AFDN: variants seen among roughly 807,000 people sequenced by gnomAD.
The protein encoded by AFDN is afadin, adherens junction formation factor.
Under a neutral mutation model 216.6 loss-of-function variants are expected in AFDN, and 68 were observed. The observed-to-expected ratio is 0.31, with a 90% CI of 0.26 to 0.38. AFDN has a LOEUF of 0.38. Among genes scored for constraint, AFDN ranks in the 10% least tolerant of loss-of-function variants. The pLI is 1.00. For missense variants in AFDN, 2,136 were observed against 2,342.0 expected (o/e 0.91, Z 1.82); for synonymous variants, 868 against 853.7 (o/e 1.02, Z -0.29).
At chr6:167,864,875 A>T (rs1290764308) in intron 2 of AFDN, 129 bp downstream of exon 2, 1 of 979,164 alleles carries the variant, frequency 1.0e-6, no homozygotes, top group East Asian at 2.4e-5. Flanking sequence ...GGTGGGTAGG[A>T]GAGTAGCTGG....
chr6:167,883,623 T>C (rs1392342122), intron 6 of AFDN, among the ~76,000 whole-genome samples: 1 of 152,202 alleles, frequency 6.6e-6, no homozygotes, highest in Non-Finnish European at 1.5e-5. Flanking sequence ...AAGTTATGCT[T>C]TTAGTAAAGT....
chr6:167,893,936 A>G, intron 9 of AFDN, 30 bp downstream of exon 9: 1 of 1,492,178 alleles, frequency 6.7e-7, no homozygotes, highest in Non-Finnish European at 9.2e-7. Context: ...TACTTTTATA[A>G]CTAAAGCACT....
At chr6:167,919,037 C>A in intron 21 of AFDN, 104 bp downstream of exon 21, 2 of 948,186 alleles carry the variant, frequency 2.1e-6, no homozygotes, top group Non-Finnish European at 3.3e-6. Flanking sequence ...GGGAGTGCAC[C>A]CTCGTGCTGT....
intron 1 of AFDN, among the ~76,000 whole-genome samples, chr6:167,836,037 G>T (rs1156526209): frequency 2.6e-5 from 4 of 152,180 alleles, no homozygotes; most frequent in African/African-American, 9.7e-5. Context: ...TATATTTTCT[G>T]TATTTATAAA....
Position 167,962,691 on chromosome 6 carries a change from C to G in AFDN, c.4968+124C>G, listed in dbSNP as rs946704234. Reference sequence around the variant, plus strand: ...AAGCACGAGGCAGAGCAGGGCCTGGCTCCCCCAGCTTTGTGATTGGACCTG... The same window carrying G: ...AAGCACGAGGCAGAGCAGGGCCTGGGTCCCCCAGCTTTGTGATTGGACCTG... On this transcript the variant is annotated intron_variant, in intron 31 of 33. Transcript: ENST00000683244. This position sits in a 1 kb window ranked among gnomAD's most constrained non-coding sequence, Gnocchi z 5.2. 1 of 1,551,046 alleles carries G rather than the reference C, an allele frequency of 6.4e-7. No individual in the cohort carries two copies. The highest frequency in any genetic ancestry group is 8.7e-7 in the Non-Finnish European group (1 of 1,148,234).
intron 23 of AFDN, among the ~76,000 whole-genome samples, chr6:167,925,509 C>T (rs1420054659): frequency 1.3e-5 from 2 of 152,082 alleles, no homozygotes; most frequent in East Asian, 1.9e-4. Context: ...ACATAAAAAC[C>T]GCTAAGGACT....
intron 23 of AFDN, among the ~76,000 whole-genome samples, chr6:167,938,118 ATGATACCTTCCC>A (rs1794231120): frequency 6.6e-6 from 1 of 152,208 alleles, no homozygotes; most frequent in Non-Finnish European, 1.5e-5. Flanking sequence ...TAAGTGAATG[ATGATACCTTCCC>A]TGACACTGGG....
intron 11 of AFDN, 50 bp downstream of exon 11, chr6:167,898,517 A>G: frequency 6.6e-7 from 1 of 1,517,960 alleles, no homozygotes; most frequent in South Asian, 1.3e-5. Flanking sequence ...TACTTAAAGT[A>G]GTTCAGATTA....
chr6:167,865,025 A>AT, intron 2 of AFDN: 1 of 524,104 alleles, frequency 1.9e-6, no homozygotes, highest in South Asian at 1.9e-5. Flanking sequence ...TTTATCCAAC[A>AT]TATCTGGGTG....
At chr6:167,965,700 G>T in intron 31 of AFDN, 57 bp from the exon 32 acceptor site, 1 of 1,453,886 alleles carries the variant, frequency 6.9e-7, no homozygotes. Flanking sequence ...GGCCCAGTGG[G>T]TCGGCTGTTC....
Position 167,890,871 on chromosome 6 carries a change from T to G in AFDN, c.1019T>G (p.Val340Gly). ...REWPSDKGILVFQLKRRPPDH... is the reference protein window; with the variant it reads ...REWPSDKGILGFQLKRRPPDH... Reference sequence around the variant, plus strand: ...CATGCTGCTGTTCTAGGGATTTTAGTCTTTCAGTTGAAGAGGAGGCCACCA... The same window carrying G: ...CATGCTGCTGTTCTAGGGATTTTAGGCTTTCAGTTGAAGAGGAGGCCACCA... Residue 340 changes from valine to glycine, a missense_variant, in exon 8 of 34, where the codon GTC becomes GGC. Transcript: ENST00000683244. The G allele has an allele frequency of 3.7e-6, 6 of 1,613,172 alleles. No homozygotes were observed. Among genetic ancestry groups the G allele is most frequent in the Non-Finnish European group, 5.1e-6 (6 of 1,179,572 alleles).
rs149149926 is a variant in AFDN, at chr6:167,904,832, C to T, written c.1651-2339C>T. 3.9e-5 allele frequency among the ~76,000 whole-genome samples: 6 copies of T among 152,306 alleles called. No individual in the cohort carries two copies. In the East Asian group the frequency reaches 1.2e-3, roughly 29 times the overall value. ...GCCTCTTCCATTCTACCCAGCTCAT[C>T]ATTCTCCTCACATTTAAAAAATGTA... is the stretch of plus-strand genomic sequence containing the variant. On this transcript the variant is annotated intron_variant, in intron 12 of 33. Transcript: ENST00000683244.
At chr6:167,921,319 C>T (rs1031218220) in intron 21 of AFDN, among the ~76,000 whole-genome samples, 2 of 152,164 alleles carry the variant, frequency 1.3e-5, no homozygotes, top group East Asian at 1.9e-4. Flanking sequence ...TTAGGACATA[C>T]GTGATATTTC....
intron 6 of AFDN, among the ~76,000 whole-genome samples, chr6:167,881,616 C>T (rs1330109014): frequency 2.0e-5 from 3 of 152,144 alleles, no homozygotes; most frequent in Non-Finnish European, 4.4e-5. Context: ...AGAAATTGGG[C>T]TGAAAGTTTC....
At chr6:167,860,141 T>G (rs1783378777) in intron 1 of AFDN, among the ~76,000 whole-genome samples, 1 of 148,348 alleles carries the variant, frequency 6.7e-6, no homozygotes, top group African/African-American at 2.5e-5. Context: ...ATTTAGGTAT[T>G]AAGTACCTAC....
chr6:167,827,161 G>T lies in AFDN; in HGVS notation c.29G>T (p.Arg10Leu). 1 of 1,300,216 alleles carries T rather than the reference G, an allele frequency of 7.7e-7. No homozygotes were observed. Among genetic ancestry groups the T allele is most frequent in the South Asian group, 1.3e-5 (1 of 76,630 alleles). The allele number at this position is 1,300,216 out of a possible 1,614,324, so 80.5% of individuals were successfully genotyped here. A position where few individuals can be genotyped will look rare whatever the true frequency, so the allele number is the denominator to read the frequency against. ...TCGGCGGGCGGCCGTGACGAGGAGC[G>T]GCGGAAGCTGGCCGACATCATCCAC... MSAGGRDEERRKLADIIHHW... is the reference protein window; with the variant it reads MSAGGRDEELRKLADIIHHW... Residue 10 changes from arginine to leucine, a missense_variant, in exon 1 of 34, where the codon CGG becomes CTG. Physicochemically the swap from Arg to Leu is moderately radical, Grantham distance 102. Around this residue, in one of 8 missense-constraint regions of AFDN, gnomAD observed 81 missense variants for 51.2 expected, o/e 1.58. Transcript: ENST00000683244.
chr6:167,886,608 A>G (rs1188733439), intron 6 of AFDN, among the ~76,000 whole-genome samples: 2 of 152,288 alleles, frequency 1.3e-5, no homozygotes, highest in African/African-American at 4.8e-5. Context: ...TTGTATATAT[A>G]AGAGAGATAA....
intron 16 of AFDN, chr6:167,913,728 C>T (rs1790695745): frequency 6.5e-6 from 3 of 460,006 alleles, no homozygotes; most frequent in Non-Finnish European, 1.2e-5. Flanking sequence ...CACATGTGGT[C>T]GGGAGAGGAT....
intron 12 of AFDN, among the ~76,000 whole-genome samples, chr6:167,904,910 C>T (rs1789464289): frequency 6.6e-6 from 1 of 152,172 alleles, no homozygotes; most frequent in African/African-American, 2.4e-5. Flanking sequence ...GCTTCCCAAC[C>T]CATATATCAG....
Sources: gnomAD v4.1 joint callset for allele counts (sites outside exome capture counted in the v4.1 genomes callset) on GRCh38, gnomAD v4.1.1 for gene constraint, gnomAD v4.1.1 regional missense constraint, Gnocchi (gnomAD v3.1) non-coding constraint, MANE v1.5 for transcripts, NCBI Gene and HGNC (gene_info 2026-07-23, HGNC 2026-07-21) for gene names.